LAMA5: variants seen among roughly 807,000 people sequenced by gnomAD.
The protein encoded by LAMA5 is laminin subunit alpha-5.
Under a neutral mutation model 433.4 loss-of-function variants are expected in LAMA5, and 260 were observed. The observed-to-expected ratio is 0.60, with a 90% CI of 0.54 to 0.66. The LOEUF (loss-of-function observed/expected upper bound fraction) is 0.66. Ranked by LOEUF, LAMA5 falls within the 30% of genes least tolerant of loss-of-function variation. The pLI is 0.00. For missense variants in LAMA5, 5,378 were observed against 5,258.5 expected (o/e 1.02, Z -0.70); for synonymous variants, 2,620 against 2,226.6 (o/e 1.18, Z -4.97).
intron 45 of LAMA5, 113 bp downstream of exon 45, chr20:62,323,343 C>A: frequency 1.1e-6 from 1 of 904,694 alleles, no homozygotes; most frequent in Non-Finnish European, 1.6e-6. Context: ...CCGACTTGTC[C>A]TGGCTGGGCC....
In LAMA5 at chr20:62,331,078, G is replaced by A. The variant is rs1442323096; in HGVS notation, c.3604C>T (p.Pro1202Ser). The A allele has an allele frequency of 1.2e-6, 2 of 1,604,772 alleles. No individual in the cohort carries two copies. The highest frequency in any genetic ancestry group is 1.1e-5 in the South Asian group (1 of 90,104). Residue 1202 changes from proline to serine, a missense_variant, in exon 29 of 80, where the codon CCC (proline) becomes TCC (serine). Pro to Ser is a moderately conservative substitution (Grantham distance 74). Transcript: ENST00000252999. ...TGGCTGCTGATGCAGCTGACCCGGG[G>A]CTCCACGAACTCCGGGCTGAACTCC... Reference protein sequence around the residue: ...IEEFSPEFVEPRVSCISSHGA... With the variant: ...IEEFSPEFVESRVSCISSHGA...
At position 62,325,464 on chromosome 20, in the gene LAMA5, T is replaced by C. The variant is rs773719421; in HGVS notation, c.5381A>G (p.Gln1794Arg). 2.4e-5 allele frequency: 38 copies of C among 1,612,858 alleles called. No individual in the cohort carries two copies. Among genetic ancestry groups the C allele is most frequent in the South Asian group, 6.6e-5 (6 of 91,090 alleles). The change falls in exon 41 of 80, where the codon CAG (glutamine) becomes CGG (arginine). Residue 1794 changes from glutamine to arginine, a missense_variant. By Grantham distance (43) the Gln-to-Arg change is conservative. Coordinates refer to ENST00000252999, the MANE Select transcript of LAMA5 (RefSeq NM_005560.6). ...MMVLASLEQLQIRALFSQISS... is the reference protein window; with the variant it reads ...MMVLASLEQLRIRALFSQISS... The stretch of plus-strand genomic sequence containing the variant: ...GATCTGTGAGAAGAGGGCACGGATC[T>C]GCAGCTGCTCCAGGCTGGCCAGCAC...
At chr20:62,327,186 C>T in intron 38 of LAMA5, 47 bp downstream of exon 38, 1 of 1,449,858 alleles carries the variant, frequency 6.9e-7, no homozygotes, top group Non-Finnish European at 9.1e-7. Flanking sequence ...TCTCAGGCGT[C>T]CTGGCCATCC....
rs141989230 is a variant in LAMA5, at chr20:62,346,926, G to A, written c.1059C>T (p.Ala353=). 16 of 1,612,826 alleles carry A rather than the reference G, an allele frequency of 9.9e-6. No individual in the cohort carries two copies. The highest frequency in any genetic ancestry group is 8.3e-5 in the Admixed American group (5 of 60,004). ...GGAGGCACTCACACTGGCACTCGTT[G>A]GCACTGTTGGCAGTCGCAGGCTTCC... ...QPWKPATANS[A]NECQSCNCYG... The change falls in exon 7 of 80, where the codon GCC becomes GCT. Residue 353 remains alanine (A), a synonymous_variant. Coordinates refer to ENST00000252999, the MANE Select transcript of LAMA5 (RefSeq NM_005560.6).
Position 62,337,611 on chromosome 20 carries a change from A to C in LAMA5, c.2143T>G (p.Tyr715Asp). 6.2e-7 allele frequency: 1 copy of C among 1,610,342 alleles called. No homozygotes were observed. The highest frequency in any genetic ancestry group is 1.3e-5 in the African/African-American group (1 of 75,046). The change falls in exon 16 of 80, where the codon TAC becomes GAC. Residue 715 changes from tyrosine to aspartate, a missense_variant. Transcript: ENST00000252999. ...LRCDTCVPGA[Y>D]NFPYCEAGSC... ...TCACCTTCGCAGTAGGGGAAGTTGT[A>C]GGCACCGGGCACACATGTGTCACAC...
Position 62,332,371 on chromosome 20 carries a change from C to T in LAMA5, c.3552+1G>A, listed in dbSNP as rs1469132176. 6.2e-7 allele frequency: 1 copy of T among 1,606,356 alleles called. No individual in the cohort carries two copies. Among genetic ancestry groups the T allele is most frequent in the East Asian group, 2.2e-5 (1 of 44,838 alleles). On this transcript the variant is annotated splice_donor_variant, in intron 28 of 79. Transcript: ENST00000252999. LOFTEE classifies it high-confidence loss of function. ...GGGGTGGGGACCTGAGGGGTCCTTA[C>T]CAGGAAGAAGCGTGCCTGTTCGGCT... is the stretch of plus-strand genomic sequence containing the variant.
chr20:62,317,383 G>A lies in LAMA5; in HGVS notation c.7473C>T (p.His2491=), dbSNP rs756541597. 1.1e-4 allele frequency: 178 copies of A among 1,609,590 alleles called. 1 individual carries two copies. Among genetic ancestry groups the A allele is most frequent in the Non-Finnish European group, 1.2e-4 (138 of 1,179,140 alleles). ...GTGCCAGCTGGCCCAGCTGCTGTGCGTGGGCCTCGGCGGCCTCCACTAGAC... is the reference window on the plus strand; with the variant it reads ...GTGCCAGCTGGCCCAGCTGCTGTGCATGGGCCTCGGCGGCCTCCACTAGAC... The part of the protein sequence containing the change: ...KLRLVEAAEA[H]AQQLGQLALN... The change falls in exon 55 of 80, where the codon CAC becomes CAT. Residue 2491 remains histidine (H), a synonymous_variant. Coordinates refer to ENST00000252999, the MANE Select transcript of LAMA5 (RefSeq NM_005560.6).
At chr20:62,358,657 G>A (rs540436942) in intron 2 of LAMA5, among the ~76,000 whole-genome samples, 1 of 152,158 alleles carries the variant, frequency 6.6e-6, no homozygotes, top group Non-Finnish European at 1.5e-5. Flanking sequence ...TTACAGAGGA[G>A]GAACCAGCCC....
intron 9 of LAMA5, 24 bp from the exon 10 acceptor site, chr20:62,346,239 A>C: frequency 6.2e-7 from 1 of 1,603,764 alleles, no homozygotes; most frequent in South Asian, 1.1e-5. Context: ...GGAGCCGGGT[A>C]AGCCTGGAGC....
Position 62,327,630 on chromosome 20 carries a change from C to T in LAMA5, c.4837G>A (p.Gly1613Arg). ...QGPKCDQCSL[G>R]TFSLDAANPK... ...TTGGCAGCATCCAGTGAGAAGGTCC[C>T]AAGGCTGCACTGGTCACATTTGGGG... Residue 1613 changes from glycine (G) to arginine (R), a missense_variant, in exon 37 of 80, where the codon GGG becomes AGG. Physicochemically the swap from Gly to Arg is moderately radical, Grantham distance 125 (BLOSUM62 -2). Transcript: ENST00000252999. 1.2e-6 allele frequency: 2 copies of T among 1,613,148 alleles called. No individual in the cohort carries two copies. The highest frequency in any genetic ancestry group is 2.2e-5 in the South Asian group (2 of 91,082).
chr20:62,316,282 CA>C (rs1410845305), intron 57 of LAMA5: 1 of 588,124 alleles, frequency 1.7e-6, no homozygotes, highest in Non-Finnish European at 3.0e-6. Flanking sequence ...TAGCTGTCCC[CA>C]TTGTACAGAT....
intron 2 of LAMA5, among the ~76,000 whole-genome samples, chr20:62,361,296 C>A (rs61038034): frequency 0.063 from 9,590 of 152,160 alleles, 345 homozygotes; most frequent in South Asian, 0.16. Context: ...GCAGGGAGCC[C>A]AGGACAGGCA....
Position 62,333,165 on chromosome 20 carries a change from G to A in LAMA5, c.3207C>T (p.Asn1069=). ...CCGTGGGGCAGGGCCGGGGCAGGCT[G>A]TTGTCCTGGCGACACAGGGCCTCCA... The part of the protein sequence containing the change: ...AGLEALCRQD[N]SLPRPCPTEQ... Residue 1069 remains asparagine, a synonymous_variant, in exon 26 of 80, where the codon AAC becomes AAT. Coordinates refer to ENST00000252999, the MANE Select transcript of LAMA5 (RefSeq NM_005560.6). The A allele has an allele frequency of 4.0e-6, 6 of 1,518,638 alleles. No individual in the cohort carries two copies. Among genetic ancestry groups the A allele is most frequent in the South Asian group, 1.3e-5 (1 of 75,632 alleles). 94.1% of individuals were successfully genotyped at this position (1,518,638 alleles called of 1,614,324 possible). A position where few individuals can be genotyped will look rare whatever the true frequency, so the allele number is the denominator to read the frequency against.
At position 62,309,451 on chromosome 20, in the gene LAMA5, G is replaced by T; in HGVS notation, c.10973C>A (p.Pro3658His). The T allele has an allele frequency of 6.3e-7, 1 of 1,583,682 alleles. No homozygotes were observed. The highest frequency in any genetic ancestry group is 8.5e-7 in the Non-Finnish European group (1 of 1,174,488). ...CCTCATGCAGCCGCAGTAGGCGGGG[G>T]GCCAGGGCTGCACGGCCATGGGCTC... is the stretch of plus-strand genomic sequence containing the variant. ...LPEPMAVQPW[P>H]PAYCGCMRRL... Residue 3658 changes from proline to histidine, a missense_variant, in exon 80 of 80, where the codon CCC (proline) becomes CAC (histidine). Physicochemically the swap from Pro to His is moderately conservative, Grantham distance 77. Transcript: ENST00000252999.
intron 6 of LAMA5, among the ~76,000 whole-genome samples, chr20:62,350,024 G>A (rs1183651792): frequency 6.6e-6 from 1 of 151,710 alleles, no homozygotes; most frequent in Non-Finnish European, 1.5e-5. Context: ...ACTGGTGGGT[G>A]ACCAGGTCCT....
chr20:62,330,009 G>A (rs1980057793), intron 31 of LAMA5, 93 bp from the exon 32 acceptor site: 1 of 1,491,798 alleles, frequency 6.7e-7, no homozygotes, highest in East Asian at 2.4e-5. Context: ...GGCAGCCAAG[G>A]AGTGCCCGCT....
chr20:62,313,636 C>G lies in LAMA5; in HGVS notation c.8658+13G>C, dbSNP rs200207726. 6 of 1,611,856 alleles carry G rather than the reference C, an allele frequency of 3.7e-6. No individual in the cohort carries two copies. The highest frequency in any genetic ancestry group is 3.3e-5 in the Admixed American group (2 of 59,972). On this transcript the variant is annotated intron_variant, in intron 63 of 79. Coordinates refer to ENST00000252999, the MANE Select transcript of LAMA5 (RefSeq NM_005560.6). Reference sequence around the variant, plus strand: ...GAGCCCCTCCCAGGCTGCCCCAGGCCGGGCGGGCTCACCGTGAAGGTACTG... The same window carrying G: ...GAGCCCCTCCCAGGCTGCCCCAGGCGGGGCGGGCTCACCGTGAAGGTACTG...
chr20:62,367,146 G>A lies in LAMA5; in HGVS notation c.100C>T (p.Arg34Trp). The A allele has an allele frequency of 2.4e-6, 3 of 1,268,010 alleles. No homozygotes were observed. Among genetic ancestry groups the A allele is most frequent in the Non-Finnish European group, 3.0e-6 (3 of 1,009,938 alleles). 78.5% of individuals were successfully genotyped at this position (1,268,010 alleles called of 1,614,324 possible). ...LVGLALLGAARAREEAGGGFS... is the reference protein window; with the variant it reads ...LVGLALLGAAWAREEAGGGFS... ...CCGCCGCCCGCCTCCTCCCGCGCCC[G>A]CGCCGCGCCCAGCAGCGCCAGCCCG... is the stretch of plus-strand genomic sequence containing the variant. The change falls in exon 1 of 80, where the codon CGG becomes TGG. Residue 34 changes from arginine to tryptophan, a missense_variant. Physicochemically the swap from Arg to Trp is moderately radical, Grantham distance 101. Transcript: ENST00000252999.
intron 3 of LAMA5, 92 bp from the exon 4 acceptor site, chr20:62,352,452 C>A: frequency 2.2e-6 from 2 of 915,920 alleles, no homozygotes; most frequent in Non-Finnish European, 3.4e-6. Flanking sequence ...CCGGGCCTTG[C>A]CACTGAGGCT....
Sources: allele counts gnomAD v4.1 joint callset (sites outside exome capture counted in the v4.1 genomes callset), GRCh38; gene constraint gnomAD v4.1.1; transcripts MANE v1.5; gene names NCBI Gene and HGNC (gene_info 2026-07-23, HGNC 2026-07-21).